Variants in TAF8 observed in about 807,000 individuals in gnomAD.
The protein encoded by TAF8 is TATA-box binding protein associated factor 8, also known as transcription initiation factor TFIID subunit 8.
Under a neutral mutation model 36.5 loss-of-function variants are expected in TAF8, and 47 were observed. The observed-to-expected ratio is 1.29, with a 90% CI of 1.02 to 1.64. The LOEUF is 1.64. TAF8 is among the 40% of genes most tolerant of loss of function. TAF8 has a pLI of 0.00. For synonymous variants in TAF8, 175 were observed against 159.5 expected (o/e 1.10, Z -0.73); for missense variants, 420 against 407.6 (o/e 1.03, Z -0.26).
rs763518345 is a variant in TAF8, at chr6:42,051,473, GA to G, written c.165del (p.Ala56HisfsTer6). 5.0e-6 allele frequency: 8 copies of G among 1,613,982 alleles called. No homozygotes were observed. The highest frequency in any genetic ancestry group is 4.0e-5 in the African/African-American group (3 of 74,910). ...LTEAGFESAE[K>X]ASVETLTEML... ...CAGAGGCAGGGTTTGAGAGTGCCGA[GA>G]AAGCATCCGTGGAAACGCTGACAGA... On this transcript the variant is annotated frameshift_variant, in exon 2 of 9. Transcript: ENST00000372977. LOFTEE classifies it high-confidence loss of function.
rs1765810116 is a variant in TAF8 at position 42,077,958 on chromosome 6, G to C, written c.*413G>C. 3 of 226,468 alleles carry C rather than the reference G, an allele frequency of 1.3e-5. No individual in the cohort carries two copies. Among genetic ancestry groups the C allele is most frequent in the Non-Finnish European group, 2.4e-5 (3 of 126,178 alleles). 14.0% of individuals were successfully genotyped at this position (226,468 alleles called of 1,614,324 possible). A position where few individuals can be genotyped will look rare whatever the true frequency, so the allele number is the denominator to read the frequency against. On this transcript the variant is annotated 3_prime_UTR_variant, in exon 9 of 9. Coordinates refer to ENST00000372977, the MANE Select transcript of TAF8 (RefSeq NM_138572.3). ...TTGAGTAGAGATAGGGTTTCGCCAT[G>C]TTGGCCAGGCTGGTCTTGAACTCCT...
intron 4 of TAF8, 92 bp from the exon 5 acceptor site, chr6:42,057,297 T>A (rs1414285820): frequency 1.9e-6 from 3 of 1,575,476 alleles, no homozygotes; most frequent in Non-Finnish European, 1.7e-6. Context: ...GGTCTGGCAT[T>A]TTTTTGAGAA....
In TAF8 at chr6:42,079,314, A is replaced by G. The variant is rs1253290863; in HGVS notation, c.*1769A>G. 23 of 985,470 alleles carry G rather than the reference A, an allele frequency of 2.3e-5. No homozygotes were observed. The highest frequency in any genetic ancestry group is 3.5e-5 in the African/African-American group (2 of 57,348). The allele number at this position is 985,470 out of a possible 1,614,324, so 61.0% of individuals were successfully genotyped here. ...AAGCAGGTCTGAGTCTGTCCAACCA[A>G]TTTGTATCCTGTGGGGAGAACAACT... On this transcript the variant is annotated 3_prime_UTR_variant, in exon 9 of 9. Transcript: ENST00000372977.
chr6:42,055,953 T>G lies in TAF8; in HGVS notation c.303T>G (p.Gly101=). Residue 101 remains glycine, a splice_region_variant and synonymous_variant, in exon 4 of 9, where the codon GGT becomes GGG. Coordinates refer to ENST00000372977, the MANE Select transcript of TAF8 (RefSeq NM_138572.3). ...GATTTTTGTTTTCCTGTCTCTTAGG[T>G]TTCAATGTGGACACTCTCCCTGCTT... ...SDIVVTLVEM[G]FNVDTLPAYA... The G allele has an allele frequency of 6.2e-7, 1 of 1,610,328 alleles. No homozygotes were observed. Among genetic ancestry groups the G allele is most frequent in the African/African-American group, 1.3e-5 (1 of 74,980 alleles).
intron 7 of TAF8, among the ~76,000 whole-genome samples, chr6:42,076,382 G>A (rs1009416648): frequency 6.6e-6 from 1 of 152,134 alleles, no homozygotes; most frequent in Non-Finnish European, 1.5e-5. Flanking sequence ...CCCCGGAGAC[G>A]GAGGCTGCAG....
chr6:42,051,520 A>C lies in TAF8; in HGVS notation c.202+7A>C, dbSNP rs1223716666. 1 of 1,613,022 alleles carries C rather than the reference A, an allele frequency of 6.2e-7. No homozygotes were observed. Among genetic ancestry groups the C allele is most frequent in the Non-Finnish European group, 8.5e-7 (1 of 1,179,320 alleles). ...ACAGAGATGCTGCAGAGCTGTGAGT[A>C]CATGGAAACACTTGGCCTTGGAGTC... On this transcript the variant is annotated splice_region_variant and intron_variant, in intron 2 of 8. Transcript: ENST00000372977.
At chr6:42,074,837 A>C (rs1404923021) in intron 7 of TAF8, among the ~76,000 whole-genome samples, 3 of 88,228 alleles carry the variant, frequency 3.4e-5, no homozygotes, top group Non-Finnish European at 4.5e-5. Flanking sequence ...CGCCTGGCCT[A>C]CTTTTTTTTT....
At position 42,078,079 on chromosome 6, in the gene TAF8, T is replaced by G. The variant is rs987496553; in HGVS notation, c.*534T>G. 2 of 344,572 alleles carry G rather than the reference T, an allele frequency of 5.8e-6. No homozygotes were observed. The highest frequency in any genetic ancestry group is 4.1e-6 in the Non-Finnish European group (1 of 243,458). 21.3% of individuals were successfully genotyped at this position (344,572 alleles called of 1,614,324 possible). On this transcript the variant is annotated 3_prime_UTR_variant, in exon 9 of 9. Transcript: ENST00000372977. ...CTAATTTTTGTATTTTTAATAGAGA[T>G]AAGGTTTCGCCATGTTGGCCAGGCT...
chr6:42,050,628 G>T (rs1003218828), intron 1 of TAF8, 42 bp downstream of exon 1: 1 of 1,529,338 alleles, frequency 6.5e-7, no homozygotes, highest in Admixed American at 2.2e-5. Flanking sequence ...GAGAGTTTGG[G>T]TATCCTGCAA....
At chr6:42,087,403 T>A (rs1334681156), downstream of TAF8, 1 of 68,112 alleles carries the variant, frequency 1.5e-5, no homozygotes, top group Non-Finnish European at 4.2e-5. Flanking sequence ...TTAACTCATA[T>A]AATAAATGGA....
rs1273593268 is a variant in TAF8, at chr6:42,051,438, T to C, written c.127T>C (p.Ser43Pro). The C allele has an allele frequency of 1.2e-6, 2 of 1,614,092 alleles. No individual in the cohort carries two copies. The highest frequency in any genetic ancestry group is 1.1e-5 in the South Asian group (1 of 91,086). Residue 43 changes from serine (S) to proline (P), a missense_variant, in exon 2 of 9, where the codon TCC (serine) becomes CCC (proline). Coordinates refer to ENST00000372977, the MANE Select transcript of TAF8 (RefSeq NM_138572.3). ...RRRTLQVVVS[S>P]LLTEAGFESA... ...GAGAACCCTGCAGGTGGTTGTGAGC[T>C]CCTTGCTGACAGAGGCAGGGTTTGA...
chr6:42,058,323 T>C (rs866079703), intron 5 of TAF8, among the ~76,000 whole-genome samples: 2 of 152,242 alleles, frequency 1.3e-5, no homozygotes, highest in African/African-American at 4.8e-5. Flanking sequence ...GAGGTTGCAG[T>C]GAGCTGAGAT....
At chr6:42,055,350 A>G (rs1315062977) in intron 2 of TAF8, among the ~76,000 whole-genome samples, 181 bp from the exon 3 acceptor site, 3 of 152,032 alleles carry the variant, frequency 2.0e-5, no homozygotes, top group Non-Finnish European at 2.9e-5. Flanking sequence ...TGTTGTTTCT[A>G]CCTTTTGGCT....
chr6:42,066,401 C>T lies in TAF8; in HGVS notation c.579C>T (p.Phe193=). The T allele has an allele frequency of 6.2e-7, 1 of 1,614,256 alleles. No individual in the cohort carries two copies. The highest frequency in any genetic ancestry group is 8.5e-7 in the Non-Finnish European group (1 of 1,180,048). ...RRDVERALTR[F]MAKTGETQSL... ...ATGTGGAGCGGGCACTTACCCGTTT[C>T]ATGGCCAAGACAGGCGAGACTCAGA... is the stretch of plus-strand genomic sequence containing the variant. The change falls in exon 6 of 9, where the codon TTC becomes TTT. Residue 193 remains phenylalanine, a synonymous_variant. Coordinates refer to ENST00000372977, the MANE Select transcript of TAF8 (RefSeq NM_138572.3).
At chr6:42,051,622 G>A in intron 2 of TAF8, 109 bp downstream of exon 2, 1 of 1,378,780 alleles carries the variant, frequency 7.3e-7, no homozygotes, top group Non-Finnish European at 9.7e-7. Flanking sequence ...TTTCTTAAGA[G>A]GGGAGAAAAA....
intron 4 of TAF8, 24 bp downstream of exon 4, chr6:42,056,038 C>T (rs770384949): frequency 1.6e-5 from 24 of 1,539,500 alleles, no homozygotes; most frequent in Non-Finnish European, 1.9e-5. Context: ...AACTGAGGTA[C>T]TTAGCAATTT....
In TAF8 at chr6:42,080,642, G is replaced by A; in HGVS notation, c.*3097G>A. The A allele has an allele frequency of 3.1e-6, 3 of 962,366 alleles. No homozygotes were observed. Among genetic ancestry groups the A allele is most frequent in the Non-Finnish European group, 3.7e-6 (3 of 809,158 alleles). 59.6% of individuals were successfully genotyped at this position (962,366 alleles called of 1,614,324 possible). Reference sequence around the variant, plus strand: ...CCACCCACCTCGGCCTCCCAGTGTGGGTGGGATTACAGGCATGAGCCACCG... The same window carrying A: ...CCACCCACCTCGGCCTCCCAGTGTGAGTGGGATTACAGGCATGAGCCACCG... On this transcript the variant is annotated 3_prime_UTR_variant, in exon 9 of 9. Coordinates refer to ENST00000372977, the MANE Select transcript of TAF8 (RefSeq NM_138572.3).
chr6:42,075,528 C>T (rs994668385), intron 7 of TAF8, among the ~76,000 whole-genome samples: 22 of 152,230 alleles, frequency 1.4e-4, no homozygotes, highest in Non-Finnish European at 2.5e-4. Flanking sequence ...GCTGTCCTGT[C>T]AGGGGAACCT....
chr6:42,082,741 G>A lies in TAF8; in HGVS notation c.*5196G>A, dbSNP rs1765959203. ...CAGTAGTTCCTTTCTTTTTATTGCTGAGTAGCATGGAGGCACCATAGTTTA... is the reference window on the plus strand; with the variant it reads ...CAGTAGTTCCTTTCTTTTTATTGCTAAGTAGCATGGAGGCACCATAGTTTA... On this transcript the variant is annotated 3_prime_UTR_variant, in exon 9 of 9. Coordinates refer to ENST00000372977, the MANE Select transcript of TAF8 (RefSeq NM_138572.3). 6.6e-6 allele frequency: 1 copy of A among 152,140 alleles called. No homozygotes were observed. 9.4% of individuals were successfully genotyped at this position (152,140 alleles called of 1,614,324 possible).
Sources: allele counts gnomAD v4.1 joint callset (sites outside exome capture counted in the v4.1 genomes callset), GRCh38; gene constraint gnomAD v4.1.1; transcripts MANE v1.5; gene names NCBI Gene and HGNC (gene_info 2026-07-23, HGNC 2026-07-21).